The following LSAMP variants were observed in gnomAD, a reference collection of about 807,000 sequenced individuals.
The protein encoded by LSAMP is limbic system-associated membrane protein.
Under a neutral mutation model 38.6 loss-of-function variants are expected in LSAMP, and 7 were observed. The observed-to-expected ratio is 0.18, with a 90% CI of 0.10 to 0.34. The LOEUF (loss-of-function observed/expected upper bound fraction) is 0.34, where lower values mean the gene tolerates loss of function less well. Ranked by LOEUF, LSAMP falls within the 10% of genes least tolerant of loss-of-function variation. LSAMP has a pLI of 1.00. For missense variants in LSAMP, 313 were observed against 420.0 expected (o/e 0.75, Z 2.23); for synonymous variants, 154 against 166.8 (o/e 0.92, Z 0.59).
intron 3 of LSAMP, among the ~76,000 whole-genome samples, chr3:115,986,528 CTT>C (rs1939514052): frequency 6.6e-6 from 1 of 152,032 alleles, no homozygotes; most frequent in South Asian, 2.1e-4. Flanking sequence ...GAAGAATTTG[CTT>C]TCTTTTTAAA....
intron 3 of LSAMP, among the ~76,000 whole-genome samples, chr3:115,926,655 G>A (rs1056286016): frequency 2.0e-5 from 3 of 152,156 alleles, no homozygotes; most frequent in African/African-American, 7.2e-5. Flanking sequence ...GGATGCAGAC[G>A]TGCATCAGGA....
intron 3 of LSAMP, among the ~76,000 whole-genome samples, chr3:115,856,840 A>G (rs144847954): frequency 6.6e-6 from 1 of 152,312 alleles, no homozygotes; most frequent in East Asian, 1.9e-4. Context: ...TATTTTTGTT[A>G]TAGTAACCTG....
At chr3:116,173,240 G>C (rs1422747790) in intron 1 of LSAMP, among the ~76,000 whole-genome samples, 1 of 152,038 alleles carries the variant, frequency 6.6e-6, no homozygotes, top group Admixed American at 6.6e-5. Context: ...CAGGTTAGCT[G>C]TCCTGGATGC....
intron 1 of LSAMP, among the ~76,000 whole-genome samples, chr3:116,379,336 G>C (rs1312532468): frequency 2.0e-5 from 3 of 151,978 alleles, no homozygotes; most frequent in African/African-American, 7.2e-5. Flanking sequence ...GAGTAGGTGA[G>C]AAGGACAAGA....
chr3:116,275,263 G>A (rs1358476166), intron 1 of LSAMP, among the ~76,000 whole-genome samples: 1 of 151,970 alleles, frequency 6.6e-6, no homozygotes, highest in African/African-American at 2.4e-5. Context: ...ATGTTGTCCA[G>A]GCTGGTCTGG....
intron 6 of LSAMP, among the ~76,000 whole-genome samples, chr3:115,822,555 T>C (rs976757235): frequency 1.3e-5 from 2 of 152,046 alleles, no homozygotes; most frequent in Non-Finnish European, 2.9e-5. Context: ...AGATGGAGTT[T>C]CTCCATGTTG....
chr3:116,300,587 G>A (rs1055279488), intron 1 of LSAMP, among the ~76,000 whole-genome samples: 4 of 152,262 alleles, frequency 2.6e-5, no homozygotes, highest in South Asian at 2.1e-4. Context: ...TCATAGGAGC[G>A]TGAACCCTTT....
intron 2 of LSAMP, among the ~76,000 whole-genome samples, chr3:116,077,183 A>G (rs1707762689): frequency 6.6e-6 from 1 of 151,810 alleles, no homozygotes; most frequent in Admixed American, 6.6e-5. Flanking sequence ...CTCCTTTCCC[A>G]TATTTAAACC....
chr3:116,226,494 C>A (rs529472504), intron 1 of LSAMP, among the ~76,000 whole-genome samples: 1 of 152,348 alleles, frequency 6.6e-6, no homozygotes, highest in Non-Finnish European at 1.5e-5. Flanking sequence ...CTGTCAGCGA[C>A]ACCATCCTCT....
chr3:116,199,177 T>A (rs1472457900), intron 1 of LSAMP, among the ~76,000 whole-genome samples: 2 of 151,972 alleles, frequency 1.3e-5, no homozygotes, highest in East Asian at 1.9e-4. Flanking sequence ...TTTTTTTTTT[T>A]AGGATAAAAG....
At chr3:116,244,367 T>A (rs1160011410) in intron 1 of LSAMP, among the ~76,000 whole-genome samples, 4 of 152,190 alleles carry the variant, frequency 2.6e-5, no homozygotes, top group African/African-American at 9.7e-5. Context: ...CTTCATCATG[T>A]CCTGAATATA....
At chr3:116,127,425 C>T (rs1192501815) in intron 1 of LSAMP, among the ~76,000 whole-genome samples, 1 of 152,068 alleles carries the variant, frequency 6.6e-6, no homozygotes, top group Non-Finnish European at 1.5e-5. Flanking sequence ...GCAGTAAAGA[C>T]ATTTTTAGAG....
chr3:115,878,790 A>G (rs1366296499), intron 3 of LSAMP, among the ~76,000 whole-genome samples: 2 of 152,020 alleles, frequency 1.3e-5, no homozygotes, highest in Non-Finnish European at 2.9e-5. Flanking sequence ...TAGAATTGTA[A>G]TAATAATAAC....
At chr3:116,180,938 G>A (rs908649556) in intron 1 of LSAMP, among the ~76,000 whole-genome samples, 2 of 152,054 alleles carry the variant, frequency 1.3e-5, no homozygotes, top group African/African-American at 4.8e-5. Context: ...AATATTGAGA[G>A]AGCTGCTGAA....
At chr3:116,074,254 G>C (rs949786383) in intron 2 of LSAMP, among the ~76,000 whole-genome samples, 3 of 152,150 alleles carry the variant, frequency 2.0e-5, no homozygotes, top group Non-Finnish European at 4.4e-5. Flanking sequence ...ATACTGGGTG[G>C]TAATGTCTGC....
In LSAMP at chr3:115,861,115, C is replaced by T. The variant is rs540233333; in HGVS notation, c.515-8498G>A. ...CCTCTCTCCCTCTTTCCTCCCCTCC[C>T]TCCTTCCTTCTTTCTTTCCTTCCTT... is the stretch of plus-strand genomic sequence containing the variant. On this transcript the variant is annotated intron_variant, in intron 3 of 6. Coordinates refer to ENST00000490035, the MANE Select transcript of LSAMP (RefSeq NM_002338.5). 2.5e-5 allele frequency among the ~76,000 whole-genome samples: 2 copies of T among 81,030 alleles called. 1 individual carries two copies. Among genetic ancestry groups the T allele is most frequent in the East Asian group, 7.0e-4 (2 of 2,838 alleles). 53.2% of individuals were successfully genotyped at this position (81,030 alleles called of 152,430 possible).
intron 3 of LSAMP, among the ~76,000 whole-genome samples, chr3:115,888,359 G>T (rs1271022653): frequency 1.3e-5 from 2 of 151,510 alleles, no homozygotes; most frequent in Admixed American, 6.6e-5. Context: ...CTTTTCTTTT[G>T]CTTCTAGTCC....
intron 6 of LSAMP, among the ~76,000 whole-genome samples, chr3:115,818,823 A>ATATATATATATATATATATATATAT (rs1934129422): frequency 4.5e-5 from 2 of 44,194 alleles, no homozygotes; most frequent in Non-Finnish European, 1.1e-4. Context: ...TATATATATA[A>ATATATATATATATATATATATATAT]CTGCAGCAAC....
chr3:116,231,966 C>A (rs963854501), intron 1 of LSAMP, among the ~76,000 whole-genome samples: 1 of 152,164 alleles, frequency 6.6e-6, no homozygotes, highest in Non-Finnish European at 1.5e-5. Flanking sequence ...GATTGTCACA[C>A]CTTGAAAATT....
Sources: gnomAD v4.1 joint callset for allele counts (sites outside exome capture counted in the v4.1 genomes callset) on GRCh38, gnomAD v4.1.1 for gene constraint, MANE v1.5 for transcripts, NCBI Gene and HGNC (gene_info 2026-07-23, HGNC 2026-07-21) for gene names.